Variants in ZNF385D observed in about 807,000 individuals in gnomAD.
The protein encoded by ZNF385D is zinc finger protein 385D.
A neutral mutation model predicts 35.8 loss-of-function variants in ZNF385D; 15 were observed. The ratio of observed to expected loss-of-function variants is 0.42; its 90% CI spans 0.28 to 0.64. ZNF385D has a LOEUF of 0.64. Among genes scored for constraint, ZNF385D ranks in the 30% least tolerant of loss-of-function variants. The probability of loss-of-function intolerance (pLI) is 0.23; values close to 1 mark genes in which losing one functional copy is unlikely to be tolerated. For synonymous variants in ZNF385D, 212 were observed against 186.8 expected, an observed-to-expected ratio of 1.13 and a Z score of -1.10; for missense variants, 474 against 494.6, an observed-to-expected ratio of 0.96 and a Z score of 0.39.
At chr3:22,077,963 G>T (rs899375956) in intron 3 of ZNF385D, among the ~76,000 whole-genome samples, 2 of 151,926 alleles carry the variant, frequency 1.3e-5, no homozygotes, top group African/African-American at 4.8e-5. Context: ...CTGACAACCT[G>T]AAAAGTCCTA....
intron 3 of ZNF385D, among the ~76,000 whole-genome samples, chr3:22,119,088 C>T (rs964711451): frequency 2.0e-5 from 3 of 152,100 alleles, no homozygotes; most frequent in African/African-American, 7.2e-5. Context: ...ATTAACTGTT[C>T]TACAGGGGCT....
At chr3:22,216,599 A>G (rs886164220) in intron 2 of ZNF385D, among the ~76,000 whole-genome samples, 1 of 152,140 alleles carries the variant, frequency 6.6e-6, no homozygotes, top group Non-Finnish European at 1.5e-5. Flanking sequence ...TTTGATTTAA[A>G]AAGTTCATAA....
At chr3:21,600,775 C>G (rs886147420) in intron 2 of ZNF385D, among the ~76,000 whole-genome samples, 4 of 151,408 alleles carry the variant, frequency 2.6e-5, no homozygotes, top group African/African-American at 9.7e-5. Context: ...GAAAAGGATG[C>G]TGATGAATAT....
At chr3:21,435,389 C>A (rs962462020) in intron 5 of ZNF385D, among the ~76,000 whole-genome samples, 2 of 151,318 alleles carry the variant, frequency 1.3e-5, no homozygotes, top group Non-Finnish European at 2.9e-5. Flanking sequence ...TGCTGAGTAG[C>A]TGCAACTACA....
intron 2 of ZNF385D, among the ~76,000 whole-genome samples, chr3:22,215,088 A>G (rs1697781772): frequency 6.6e-6 from 1 of 151,972 alleles, no homozygotes; most frequent in Non-Finnish European, 1.5e-5. Context: ...ACACTTAAGG[A>G]ATATAGAAAA....
intron 2 of ZNF385D, among the ~76,000 whole-genome samples, chr3:22,344,557 T>C (rs1294876712): frequency 1.3e-5 from 2 of 150,656 alleles, no homozygotes; most frequent in Admixed American, 1.3e-4. Flanking sequence ...GCCTGCCTCA[T>C]TTTGGGGTTT....
At chr3:21,795,521 C>T (rs924473696) in intron 3 of ZNF385D, among the ~76,000 whole-genome samples, 2 of 152,114 alleles carry the variant, frequency 1.3e-5, no homozygotes, top group Admixed American at 6.6e-5. Context: ...TTATGTCACC[C>T]GGGGAGAAAA....
intron 3 of ZNF385D, among the ~76,000 whole-genome samples, chr3:21,562,461 C>T (rs960058837): frequency 1.2e-4 from 18 of 151,974 alleles, no homozygotes; most frequent in African/African-American, 4.4e-4. Flanking sequence ...AAAGACCTTG[C>T]CTGGATGTAA....
intron 1 of ZNF385D, among the ~76,000 whole-genome samples, chr3:21,707,488 C>G (rs1430257816): frequency 6.6e-6 from 1 of 152,178 alleles, no homozygotes; most frequent in Non-Finnish European, 1.5e-5. Flanking sequence ...ATCCTGATAT[C>G]TCCTTTAATG....
intron 4 of ZNF385D, among the ~76,000 whole-genome samples, chr3:21,457,563 C>T (rs1243226289): frequency 3.3e-5 from 5 of 152,008 alleles, no homozygotes; most frequent in Non-Finnish European, 5.9e-5. Flanking sequence ...ACCATATTGG[C>T]CAGGCTGGTC....
At chr3:21,488,354 C>T (rs1705179896) in intron 4 of ZNF385D, among the ~76,000 whole-genome samples, 1 of 151,912 alleles carries the variant, frequency 6.6e-6, no homozygotes, top group South Asian at 2.1e-4. Flanking sequence ...CAGACACACA[C>T]ACACACACAC....
intron 3 of ZNF385D, chr3:21,777,688 T>G (rs920578079): frequency 4.6e-5 from 7 of 151,954 alleles, no homozygotes; most frequent in African/African-American, 1.7e-4. Context: ...CCATGCAACT[T>G]TGCAATTCTT....
chr3:21,594,007 G>GT (rs2064057950), intron 2 of ZNF385D, among the ~76,000 whole-genome samples: 1 of 152,044 alleles, frequency 6.6e-6, no homozygotes, highest in South Asian at 2.1e-4. Context: ...AGTTAAGGCA[G>GT]TTTAACTACC....
intron 2 of ZNF385D, among the ~76,000 whole-genome samples, chr3:22,253,750 G>A (rs1301970123): frequency 6.6e-6 from 1 of 151,880 alleles, no homozygotes; most frequent in East Asian, 1.9e-4. Context: ...GCAAAAGTGA[G>A]CATATTAGAA....
At chr3:21,897,223 C>T (rs559074980) in intron 3 of ZNF385D, among the ~76,000 whole-genome samples, 6 of 152,190 alleles carry the variant, frequency 3.9e-5, no homozygotes, top group South Asian at 4.2e-4. Flanking sequence ...TTCTCTTGAG[C>T]CTGCCACATG....
chr3:21,703,256 T>C (rs1336753805), intron 1 of ZNF385D, among the ~76,000 whole-genome samples: 2 of 152,048 alleles, frequency 1.3e-5, no homozygotes, highest in Non-Finnish European at 2.9e-5. Flanking sequence ...GAAGCAAAAG[T>C]GGAAACCCCT....
intron 3 of ZNF385D, among the ~76,000 whole-genome samples, chr3:21,813,671 G>T (rs909213396): frequency 1.3e-5 from 2 of 151,492 alleles, no homozygotes; most frequent in Non-Finnish European, 3.0e-5. Flanking sequence ...AAAAAGAAAT[G>T]AACAAAGCCT....
intron 3 of ZNF385D, among the ~76,000 whole-genome samples, chr3:22,097,819 C>T (rs776365756): frequency 2.0e-5 from 3 of 152,008 alleles, no homozygotes; most frequent in Non-Finnish European, 4.4e-5. Context: ...TGTCTAGATA[C>T]CCCTTAAATG....
At chr3:21,758,911 A>C (rs758981059) in intron 3 of ZNF385D, among the ~76,000 whole-genome samples, 11 of 139,720 alleles carry the variant, frequency 7.9e-5, no homozygotes, top group Non-Finnish European at 1.5e-4. Flanking sequence ...TGGTAGTCCC[A>C]GACCACCTAG....
Sources: allele counts gnomAD v4.1 joint callset (sites outside exome capture counted in the v4.1 genomes callset), GRCh38; gene constraint gnomAD v4.1.1; transcripts MANE v1.5; gene names NCBI Gene and HGNC (gene_info 2026-07-23, HGNC 2026-07-21).